The following ISCA1 variants were observed in gnomAD, a reference collection of about 807,000 sequenced individuals.
The protein encoded by ISCA1 is iron-sulfur cluster assembly 1, also known as iron-sulfur cluster assembly 1 homolog, mitochondrial.
In ISCA1, 9 loss-of-function variants were observed where a neutral mutation model predicts 14.7. That is an observed-to-expected ratio of 0.61 (90% CI 0.37 to 1.07). The LOEUF is 1.07. ISCA1 is among the 50% of genes least tolerant of loss of function. The pLI is 0.01. For missense variants in ISCA1, 102 were observed against 150.1 expected (o/e 0.68, Z 1.67); for synonymous variants, 38 against 54.3 (o/e 0.70, Z 1.32).
chr9:86,282,193 T>C (rs1432491882), intron 1 of ISCA1, 185 bp downstream of exon 1: 6 of 640,226 alleles, frequency 9.4e-6, no homozygotes, highest in Non-Finnish European at 1.6e-5. Context: ...GCCCGGGACT[T>C]GTTTATCGTT....
intron 2 of ISCA1, among the ~76,000 whole-genome samples, chr9:86,272,703 A>T (rs1825386588): frequency 1.3e-5 from 2 of 152,316 alleles, no homozygotes; most frequent in Admixed American, 6.5e-5. Flanking sequence ...TGGTTCCAGG[A>T]CTAACTGAGT....
intron 1 of ISCA1, among the ~76,000 whole-genome samples, chr9:86,276,060 T>C (rs1825436202): frequency 6.6e-6 from 1 of 152,108 alleles, no homozygotes; most frequent in Non-Finnish European, 1.5e-5. Flanking sequence ...TATTATTACA[T>C]TGTAATATAT....
In ISCA1 at chr9:86,282,508, A is replaced by G; in HGVS notation, c.-50T>C. 1 of 1,549,796 alleles carries G rather than the reference A, an allele frequency of 6.5e-7. No individual in the cohort carries two copies. Among genetic ancestry groups the G allele is most frequent in the Non-Finnish European group, 8.7e-7 (1 of 1,146,648 alleles). ...CCTCGGGCCGAAGGTCGGCCGCCTC[A>G]GCTTCTCTCCATGGACACGGCGGGC... On this transcript the variant is annotated 5_prime_UTR_variant, in exon 1 of 4. It removes the in-frame stop codon of an upstream open reading frame in the 5' UTR. Coordinates refer to ENST00000375991, the MANE Select transcript of ISCA1 (RefSeq NM_030940.4).
intron 2 of ISCA1, 142 bp downstream of exon 2, chr9:86,274,047 T>C (rs899945042): frequency 3.5e-6 from 2 of 576,434 alleles, no homozygotes; most frequent in Non-Finnish European, 6.1e-6. Flanking sequence ...TTTTGTATTA[T>C]TTGAATTTTT....
At chr9:86,278,850 AT>A (rs1468459003) in intron 1 of ISCA1, among the ~76,000 whole-genome samples, 1 of 152,134 alleles carries the variant, frequency 6.6e-6, no homozygotes, top group Non-Finnish European at 1.5e-5. Context: ...TGCCATTGTG[AT>A]TTAGGTATTA....
At chr9:86,279,554 T>C (rs1319691275) in intron 1 of ISCA1, among the ~76,000 whole-genome samples, 3 of 152,228 alleles carry the variant, frequency 2.0e-5, no homozygotes, top group South Asian at 4.1e-4. Context: ...CATATAGCAC[T>C]TTTCAAATGT....
chr9:86,278,976 C>T (rs2147064), intron 1 of ISCA1, among the ~76,000 whole-genome samples: 114,465 of 152,130 alleles, frequency 0.75, 44,658 homozygotes, highest in East Asian at 0.99. Flanking sequence ...TCTACTCTCA[C>T]GTACTTAACC....
intron 3 of ISCA1, among the ~76,000 whole-genome samples, chr9:86,271,149 T>C (rs1247828142): frequency 1.3e-5 from 2 of 152,148 alleles, no homozygotes; most frequent in Non-Finnish European, 2.9e-5. Flanking sequence ...TAGGTACGTT[T>C]ACACAAATAC....
Position 86,269,728 on chromosome 9 carries a change from TG to T in ISCA1, c.241+2278del, listed in dbSNP as rs1825342534. The stretch of plus-strand genomic sequence containing the variant: ...TACAGTAACCAAAACAGCATGGTAC[TG>T]GTACCAAAACAGAGATATAGATCAA... On this transcript the variant is annotated intron_variant, in intron 3 of 3. Coordinates refer to ENST00000375991, the MANE Select transcript of ISCA1 (RefSeq NM_030940.4). 2.6e-5 allele frequency among the ~76,000 whole-genome samples: 4 copies of T among 151,826 alleles called. 1 individual carries two copies. Among genetic ancestry groups the T allele is most frequent in the African/African-American group, 9.7e-5 (4 of 41,350 alleles).
At chr9:86,276,457 T>G (rs1001556534) in intron 1 of ISCA1, among the ~76,000 whole-genome samples, 1 of 152,188 alleles carries the variant, frequency 6.6e-6, no homozygotes, top group African/African-American at 2.4e-5. Flanking sequence ...ATCAACCACA[T>G]GTAAATTTTC....
intron 1 of ISCA1, among the ~76,000 whole-genome samples, chr9:86,279,440 G>A (rs1283534222): frequency 6.6e-6 from 1 of 152,200 alleles, no homozygotes; most frequent in Non-Finnish European, 1.5e-5. Context: ...TAGATATGTA[G>A]GGAAATAGGG....
At position 86,280,252 on chromosome 9, in the gene ISCA1, T is replaced by C. The variant is rs148090088; in HGVS notation, c.81+2126A>G. Among the ~76,000 whole-genome samples the C allele has an allele frequency of 2.5e-3, 379 of 152,192 alleles. 1 individual carries two copies. Among genetic ancestry groups the C allele is most frequent in the African/African-American group, 8.8e-3 (365 of 41,516 alleles). On this transcript the variant is annotated intron_variant, in intron 1 of 3. Transcript: ENST00000375991. ...ACAGCAGATCTTGATAAATGTCTGC[T>C]GAATGACTAGGAATGGAGAGAAAGG...
intron 1 of ISCA1, among the ~76,000 whole-genome samples, chr9:86,277,547 T>C (rs750099344): frequency 6.6e-6 from 1 of 152,226 alleles, no homozygotes; most frequent in African/African-American, 2.4e-5. Flanking sequence ...AATCCTACCC[T>C]GCTTTAAGTC....
At chr9:86,276,012 T>C (rs925011927) in intron 1 of ISCA1, among the ~76,000 whole-genome samples, 5 of 152,244 alleles carry the variant, frequency 3.3e-5, no homozygotes, top group Admixed American at 6.5e-5. Flanking sequence ...GGTTTCTGAA[T>C]GATTCAAATG....
intron 3 of ISCA1, 66 bp downstream of exon 3, chr9:86,271,941 G>T: frequency 1.2e-6 from 1 of 823,992 alleles, no homozygotes; most frequent in South Asian, 1.4e-5. Flanking sequence ...TTTTTACTTT[G>T]TGCTGTGCAA....
rs1825274175 is a variant in ISCA1, at chr9:86,264,672, TA to T, written c.*1370del. 1 of 152,558 alleles carries T rather than the reference TA, an allele frequency of 6.6e-6. No individual in the cohort carries two copies. The highest frequency in any genetic ancestry group is 1.5e-5 in the Non-Finnish European group (1 of 68,034). The allele number at this position is 152,558 out of a possible 1,614,324, so 9.5% of individuals were successfully genotyped here. A position where few individuals can be genotyped will look rare whatever the true frequency, so the allele number is the denominator to read the frequency against. The stretch of plus-strand genomic sequence containing the variant: ...TGATACAAACTCATGAGCATTTACA[TA>T]AAACTACCGCTCTAGGTTTTGGTGT... On this transcript the variant is annotated 3_prime_UTR_variant, in exon 4 of 4. Coordinates refer to ENST00000375991, the MANE Select transcript of ISCA1 (RefSeq NM_030940.4).
At chr9:86,282,216 C>T (rs1006101344) in intron 1 of ISCA1, 162 bp downstream of exon 1, 1 of 714,608 alleles carries the variant, frequency 1.4e-6, no homozygotes, top group Non-Finnish European at 2.2e-6. Context: ...AAAGAGGGGC[C>T]GGAGGCGAAG....
chr9:86,270,960 G>T (rs1300773318), intron 3 of ISCA1, among the ~76,000 whole-genome samples: 1 of 104,114 alleles, frequency 9.6e-6, no homozygotes, highest in South Asian at 4.1e-4. Flanking sequence ...GGGGAGGGGG[G>T]AGGGATAGCA....
intron 1 of ISCA1, 125 bp downstream of exon 1, chr9:86,282,253 G>T: frequency 9.3e-7 from 1 of 1,073,530 alleles, no homozygotes; most frequent in Non-Finnish European, 1.3e-6. Context: ...GCGGCGGGTC[G>T]GAGCGACGCC....
Sources: gnomAD v4.1 joint callset for allele counts (sites outside exome capture counted in the v4.1 genomes callset) on GRCh38, gnomAD v4.1.1 for gene constraint, MANE v1.5 for transcripts, NCBI Gene and HGNC (gene_info 2026-07-23, HGNC 2026-07-21) for gene names.